The following RNF44 variants were observed in gnomAD, a reference collection of about 807,000 sequenced individuals.
The protein encoded by RNF44 is ring finger protein 44.
Under a neutral mutation model 53.6 loss-of-function variants are expected in RNF44, and 25 were observed. The observed-to-expected ratio is 0.47, with a 90% CI of 0.34 to 0.65. The LOEUF (loss-of-function observed/expected upper bound fraction) is 0.65. Ranked by LOEUF, RNF44 falls within the 30% of genes least tolerant of loss-of-function variation. The pLI, the probability that RNF44 is intolerant of heterozygous loss-of-function variation, is 0.01. For synonymous variants in RNF44, 282 were observed against 252.2 expected, an observed-to-expected ratio of 1.12 and a Z score of -1.12; for missense variants, 581 against 595.5, an observed-to-expected ratio of 0.98 and a Z score of 0.25.
At chr5:176,529,688 A>G in intron 8 of RNF44, 43 bp downstream of exon 8, 1 of 1,611,128 alleles carries the variant, frequency 6.2e-7, no homozygotes, top group East Asian at 2.2e-5. Flanking sequence ...CCAGGGCTGC[A>G]GGTCTCCCAA....
At position 176,528,793 on chromosome 5, in the gene RNF44, C is replaced by T; in HGVS notation, c.*235G>A. 1.7e-6 allele frequency: 1 copy of T among 582,486 alleles called. No homozygotes were observed. The highest frequency in any genetic ancestry group is 2.8e-5 in the East Asian group (1 of 35,160). The allele number at this position is 582,486 out of a possible 1,614,324, so 36.1% of individuals were successfully genotyped here. A position where few individuals can be genotyped will look rare whatever the true frequency, so the allele number is the denominator to read the frequency against. On this transcript the variant is annotated 3_prime_UTR_variant, in exon 11 of 11. Coordinates refer to ENST00000274811, the MANE Select transcript of RNF44 (RefSeq NM_014901.5). ...GGAGACCCGATCAGGGACACTCAGG[C>T]AGCTCCGTGGCGGGCGGGCAGGCAG...
At chr5:176,540,119 G>A (rs781087707), upstream of RNF44, among the ~76,000 whole-genome samples, 3 of 152,164 alleles carry the variant, frequency 2.0e-5, no homozygotes, top group Non-Finnish European at 4.4e-5. Context: ...TTTACCTCAT[G>A]CCATTTAATT....
At position 176,529,550 on chromosome 5, in the gene RNF44, G is replaced by C; in HGVS notation, c.1109C>G (p.Pro370Arg). 1 of 1,614,060 alleles carries C rather than the reference G, an allele frequency of 6.2e-7. No homozygotes were observed. The highest frequency in any genetic ancestry group is 8.5e-7 in the Non-Finnish European group (1 of 1,180,030). Residue 370 changes from proline (P) to arginine (R), a missense_variant, in exon 9 of 11, where the codon CCG becomes CGG. Transcript: ENST00000274811. ...CGTCTGCTCCGACTGATGGCTGTCC[G>C]GGTTAAAGCGGTACGACGGGAGCTG... ...IEQLPSYRFN[P>R]DSHQSEQTLC...
At chr5:176,541,815 A>T (rs1171013890), upstream of RNF44, among the ~76,000 whole-genome samples, 5 of 152,158 alleles carry the variant, frequency 3.3e-5, no homozygotes, top group African/African-American at 9.6e-5. Flanking sequence ...CCTTCCCAGG[A>T]TGGAGCTGGC....
chr5:176,541,743 G>C (rs769961573), upstream of RNF44, among the ~76,000 whole-genome samples: 2 of 152,172 alleles, frequency 1.3e-5, no homozygotes, highest in Non-Finnish European at 2.9e-5. Context: ...GAGTCAGAAA[G>C]TACCCCATTT....
chr5:176,529,081 T>A lies in RNF44; in HGVS notation c.1246A>T (p.Thr416Ser), dbSNP rs1349921439. Residue 416 changes from threonine (T) to serine (S), a missense_variant, in exon 11 of 11, where the codon ACG (threonine) becomes TCG (serine). Physicochemically the swap from Thr to Ser is moderately conservative, Grantham distance 58. Coordinates refer to ENST00000274811, the MANE Select transcript of RNF44 (RefSeq NM_014901.5). Reference protein sequence around the residue: ...CVDKWLKANRTCPICRADASE... With the variant: ...CVDKWLKANRSCPICRADASE... Reference sequence around the variant, plus strand: ...GCGTCGGCCCGGCAGATGGGACACGTCCGGTTGGCCTGTGGGAACATGCAC... The same window carrying A: ...GCGTCGGCCCGGCAGATGGGACACGACCGGTTGGCCTGTGGGAACATGCAC... 1 of 1,612,982 alleles carries A rather than the reference T, an allele frequency of 6.2e-7. No individual in the cohort carries two copies. The highest frequency in any genetic ancestry group is 8.5e-7 in the Non-Finnish European group (1 of 1,179,966).
At chr5:176,538,594 A>G (rs2113216473), upstream of RNF44, among the ~76,000 whole-genome samples, 1 of 152,338 alleles carries the variant, frequency 6.6e-6, no homozygotes, top group East Asian at 1.9e-4. Flanking sequence ...CAGTTACCAC[A>G]AAGAGGCAGC....
At chr5:176,529,896 T>A (rs1756399104) in intron 7 of RNF44, 78 bp from the exon 8 acceptor site, 9 of 1,429,272 alleles carry the variant, frequency 6.3e-6, no homozygotes, top group Non-Finnish European at 8.4e-6. Context: ...GACTCCCTCC[T>A]TGCAAACAGA....
chr5:176,531,983 A>G lies in RNF44; in HGVS notation c.297+21T>C. ...GACTGGCTCACAGGGCCAGGGGCAC[A>G]GGGGATGGGGTTCTGCCTACCTGCT... On this transcript the variant is annotated intron_variant, in intron 3 of 10. Coordinates refer to ENST00000274811, the MANE Select transcript of RNF44 (RefSeq NM_014901.5). The surrounding 1 kb of genome is among the most constrained non-coding windows in gnomAD (Gnocchi z 4.2). 1 of 1,594,630 alleles carries G rather than the reference A, an allele frequency of 6.3e-7. No individual in the cohort carries two copies. The highest frequency in any genetic ancestry group is 8.5e-7 in the Non-Finnish European group (1 of 1,171,018).
At position 176,529,363 on chromosome 5, in the gene RNF44, G is replaced by C; in HGVS notation, c.1161C>G (p.Phe387Leu). ...QTLCVVCFSD[F>L]EARQLLRVLP... ...GGACTCGGAGCAGCTGCCGCGCCTCGAAGTCACTGAAGCAGACCACACACC... is the reference window on the plus strand; with the variant it reads ...GGACTCGGAGCAGCTGCCGCGCCTCCAAGTCACTGAAGCAGACCACACACC... Residue 387 changes from phenylalanine to leucine, a missense_variant, in exon 10 of 11, where the codon TTC becomes TTG. Physicochemically the swap from Phe to Leu is conservative, Grantham distance 22. This residue lies in a region of RNF44 where 183 missense variants were observed against 198.6 expected (regional missense o/e 0.92). Transcript: ENST00000274811. 1 of 1,613,414 alleles carries C rather than the reference G, an allele frequency of 6.2e-7. No homozygotes were observed. The highest frequency in any genetic ancestry group is 8.5e-7 in the Non-Finnish European group (1 of 1,179,916).
chr5:176,531,370 A>G lies in RNF44; in HGVS notation c.465+93T>C. On this transcript the variant is annotated intron_variant, in intron 4 of 10. Coordinates refer to ENST00000274811, the MANE Select transcript of RNF44 (RefSeq NM_014901.5). The surrounding 1 kb of genome is among the most constrained non-coding windows in gnomAD (Gnocchi z 4.2). Reference sequence around the variant, plus strand: ...GACAGCCTGGATGGCTGGATAGCTCAGCCCAGTTCAGGGCTGCCCTGGGCC... The same window carrying G: ...GACAGCCTGGATGGCTGGATAGCTCGGCCCAGTTCAGGGCTGCCCTGGGCC... The G allele has an allele frequency of 7.9e-7, 1 of 1,273,108 alleles. No individual in the cohort carries two copies. Among genetic ancestry groups the G allele is most frequent in the Admixed American group, 2.4e-5 (1 of 41,402 alleles). The allele number at this position is 1,273,108 out of a possible 1,614,324, so 78.9% of individuals were successfully genotyped here.
Position 176,527,202 on chromosome 5 carries a change from A to C in RNF44, c.*1826T>G, listed in dbSNP as rs774904056. The C allele has an allele frequency of 6.6e-6, 1 of 152,568 alleles. No homozygotes were observed. Among genetic ancestry groups the C allele is most frequent in the East Asian group, 1.9e-4 (1 of 5,190 alleles). 9.5% of individuals were successfully genotyped at this position (152,568 alleles called of 1,614,324 possible). On this transcript the variant is annotated 3_prime_UTR_variant, in exon 11 of 11. Coordinates refer to ENST00000274811, the MANE Select transcript of RNF44 (RefSeq NM_014901.5). ...GTAAATAAGAGAGTAAACAATGGCA[A>C]GCCCCCACCACAGGAAATCATTGGT...
chr5:176,532,943 T>C (rs1330818752), intron 1 of RNF44, among the ~76,000 whole-genome samples: 3 of 152,050 alleles, frequency 2.0e-5, no homozygotes, highest in African/African-American at 7.2e-5. Flanking sequence ...CACCCAGGCC[T>C]CACCCTCCTG....
At chr5:176,535,386 C>T (rs958071443) in intron 1 of RNF44, among the ~76,000 whole-genome samples, 11 of 152,282 alleles carry the variant, frequency 7.2e-5, no homozygotes, top group African/African-American at 1.9e-4. Context: ...GTGCCACTTC[C>T]GGGGCAGCAG....
rs1385662274 is a variant in RNF44 at position 176,531,438 on chromosome 5, G to A, written c.465+25C>T. ...GTGCCTGGGGCTTGCAGCTGGTGGAGGAGGAGCTAGAAACACTCACTCACC... is the reference window on the plus strand; with the variant it reads ...GTGCCTGGGGCTTGCAGCTGGTGGAAGAGGAGCTAGAAACACTCACTCACC... On this transcript the variant is annotated intron_variant, in intron 4 of 10. Transcript: ENST00000274811. The surrounding 1 kb of genome is among the most constrained non-coding windows in gnomAD (Gnocchi z 4.2). 2 of 1,541,614 alleles carry A rather than the reference G, an allele frequency of 1.3e-6. No individual in the cohort carries two copies. Among genetic ancestry groups the A allele is most frequent in the Admixed American group, 2.0e-5 (1 of 50,744 alleles).
At position 176,531,745 on chromosome 5, in the gene RNF44, C is replaced by A. The variant is rs768841450; in HGVS notation, c.298-115G>T. On this transcript the variant is annotated intron_variant, in intron 3 of 10. Transcript: ENST00000274811. This position sits in a 1 kb window ranked among gnomAD's most constrained non-coding sequence, Gnocchi z 4.2. ...GCCGGCTCCCTTCCCTTCTCCACGG[C>A]GGCCTACCTCAGTGCAGACCAGACT... 6.0e-6 allele frequency: 7 copies of A among 1,159,646 alleles called. No homozygotes were observed. The highest frequency in any genetic ancestry group is 8.4e-6 in the Non-Finnish European group (7 of 832,792). The allele number at this position is 1,159,646 out of a possible 1,614,324, so 71.8% of individuals were successfully genotyped here.
upstream of RNF44, among the ~76,000 whole-genome samples, chr5:176,541,242 C>T (rs1757441180): frequency 6.6e-6 from 1 of 152,172 alleles, no homozygotes; most frequent in Non-Finnish European, 1.5e-5. Context: ...AAGTCCTATC[C>T]TGATCCTCTC....
At position 176,527,326 on chromosome 5, in the gene RNF44, T is replaced by C. The variant is rs1051310303; in HGVS notation, c.*1702A>G. 4 of 152,234 alleles carry C rather than the reference T, an allele frequency of 2.6e-5. No homozygotes were observed. Among genetic ancestry groups the C allele is most frequent in the African/African-American group, 9.7e-5 (4 of 41,344 alleles). 9.4% of individuals were successfully genotyped at this position (152,234 alleles called of 1,614,324 possible). On this transcript the variant is annotated 3_prime_UTR_variant, in exon 11 of 11. Coordinates refer to ENST00000274811, the MANE Select transcript of RNF44 (RefSeq NM_014901.5). ...TGATGATCTTTTTAAATGCTGTGTT[T>C]CCCCCCCAATAGCTGCTTGTTGGAA...
In RNF44 at chr5:176,531,834, C is replaced by G; in HGVS notation, c.297+170G>C. 1 of 857,808 alleles carries G rather than the reference C, an allele frequency of 1.2e-6. No individual in the cohort carries two copies. Among genetic ancestry groups the G allele is most frequent in the Non-Finnish European group, 1.8e-6 (1 of 564,088 alleles). The allele number at this position is 857,808 out of a possible 1,614,324, so 53.1% of individuals were successfully genotyped here. ...CGTGGGAATCTAGCTCTGCTAGTCA[C>G]CCAGTGTGGCCCTTTCCCCGGGCCT... On this transcript the variant is annotated intron_variant, in intron 3 of 10. Transcript: ENST00000274811. This position sits in a 1 kb window ranked among gnomAD's most constrained non-coding sequence, Gnocchi z 4.2.
Sources: allele counts gnomAD v4.1 joint callset (sites outside exome capture counted in the v4.1 genomes callset), GRCh38; gene constraint gnomAD v4.1.1; regional missense constraint gnomAD v4.1.1; non-coding constraint Gnocchi (gnomAD v3.1); transcripts MANE v1.5; gene names NCBI Gene and HGNC (gene_info 2026-07-23, HGNC 2026-07-21).